Variants in APBB2 observed in about 807,000 individuals in gnomAD.
The protein encoded by APBB2 is Fe65-like 1.
APBB2 carries 38 observed loss-of-function variants against 82.5 expected under a neutral mutation model. The observed-to-expected ratio is 0.46, with a 90% confidence interval of 0.36 to 0.60. The LOEUF (loss-of-function observed/expected upper bound fraction) is 0.60. Ranked by LOEUF, APBB2 falls within the 20% of genes least tolerant of loss-of-function variation. The pLI is 0.00. For missense variants in APBB2, 772 were observed against 972.3 expected (o/e 0.79, Z 2.74); for synonymous variants, 341 against 368.2 (o/e 0.93, Z 0.85).
chr4:40,821,815 A>G lies in APBB2; in HGVS notation c.2112+56T>C, dbSNP rs941562838. The G allele has an allele frequency of 5.7e-6, 9 of 1,589,252 alleles. No homozygotes were observed. The East Asian group carries it at 1.6e-4, about 28-fold the overall frequency. On this transcript the variant is annotated intron_variant, in intron 17 of 17. Coordinates refer to ENST00000508593, the MANE Select transcript of APBB2 (RefSeq NM_004307.2). Reference sequence around the variant, plus strand: ...GAGTGATTCTGCTATAATGTATGGCATATTAGAGATGAGCAGAGGCGGGAG... The same window carrying G: ...GAGTGATTCTGCTATAATGTATGGCGTATTAGAGATGAGCAGAGGCGGGAG...
intron 7 of APBB2, among the ~76,000 whole-genome samples, chr4:40,937,914 G>A (rs1578579963): frequency 2.0e-5 from 3 of 152,312 alleles, no homozygotes; most frequent in Non-Finnish European, 4.4e-5. Flanking sequence ...TTTTAAAAAA[G>A]CACAACCCAA....
Position 40,945,070 on chromosome 4 carries a change from T to A in APBB2, c.839A>T (p.Asp280Val), listed in dbSNP as rs760695103. Residue 280 changes from aspartate (D) to valine (V), a missense_variant, in exon 7 of 18, where the codon GAT (aspartate) becomes GTT (valine). By Grantham distance (152) the Asp-to-Val change is radical. Coordinates refer to ENST00000508593, the MANE Select transcript of APBB2 (RefSeq NM_004307.2). Reference sequence around the variant, plus strand: ...CTGAAATGAGTGATCACTCCATATATCTGCTGAAAAATTGGGGGGCGGGGC... The same window carrying A: ...CTGAAATGAGTGATCACTCCATATAACTGCTGAAAAATTGGGGGGCGGGGC... ...ASPSSPDETA[D>V]IWSDHSFQTD... is the part of the protein sequence containing the mutation. The A allele has an allele frequency of 8.4e-7, 1 of 1,190,296 alleles. No homozygotes were observed. Among genetic ancestry groups the A allele is most frequent in the Non-Finnish European group, 1.2e-6 (1 of 860,844 alleles). 73.7% of individuals were successfully genotyped at this position (1,190,296 alleles called of 1,614,324 possible). A position where few individuals can be genotyped will look rare whatever the true frequency, so the allele number is the denominator to read the frequency against.
chr4:40,835,193 T>C (rs997293031), intron 12 of APBB2, among the ~76,000 whole-genome samples: 1 of 151,566 alleles, frequency 6.6e-6, no homozygotes, highest in African/African-American at 2.4e-5. Flanking sequence ...GGAGAATCGC[T>C]TGAACCCGGG....
chr4:40,845,436 C>T (rs1050159235), intron 12 of APBB2, among the ~76,000 whole-genome samples: 2 of 152,034 alleles, frequency 1.3e-5, no homozygotes, highest in African/African-American at 4.8e-5. Flanking sequence ...ATGAGCCGCA[C>T]ATCCCAAGGC....
chr4:41,037,665 T>C (rs1005159568), intron 4 of APBB2, among the ~76,000 whole-genome samples: 2 of 152,166 alleles, frequency 1.3e-5, no homozygotes. Context: ...AATTACTTAA[T>C]GTGGCTTGCA....
At chr4:41,200,826 C>T (rs7696911) in intron 1 of APBB2, among the ~76,000 whole-genome samples, 1 of 152,006 alleles carries the variant, frequency 6.6e-6, no homozygotes, top group Non-Finnish European at 1.5e-5. Context: ...CCCAGTGTTA[C>T]AATCTAGTAG....
intron 12 of APBB2, among the ~76,000 whole-genome samples, chr4:40,863,415 T>C (rs1763259174): frequency 1.3e-5 from 2 of 152,190 alleles, no homozygotes; most frequent in South Asian, 4.1e-4. Context: ...TCAGTGGGTC[T>C]GCAGGTTCTG....
chr4:41,011,152 T>A (rs868617602), intron 6 of APBB2, among the ~76,000 whole-genome samples: 6,955 of 151,742 alleles, frequency 0.046, 337 homozygotes, highest in African/African-American at 0.12. Context: ...ATTATTGTTT[T>A]TTTTTTTAAT....
In APBB2 at chr4:41,013,679, G is replaced by C. The variant is rs762874100; in HGVS notation, c.739C>G (p.Leu247Val). 5.8e-5 allele frequency: 93 copies of C among 1,614,118 alleles called. No individual in the cohort carries two copies. The highest frequency in any genetic ancestry group is 7.8e-5 in the Non-Finnish European group (92 of 1,180,052). ...PKTGAKTDCA[L>V]HRIQNLAPSD... Reference sequence around the variant, plus strand: ...GGTGCCAGGTTCTGGATCCGGTGCAGTGCACAGTCGGTTTTGGCCCCTGTT... The same window carrying C: ...GGTGCCAGGTTCTGGATCCGGTGCACTGCACAGTCGGTTTTGGCCCCTGTT... Residue 247 changes from leucine to valine, a missense_variant, in exon 6 of 18, where the codon CTG becomes GTG. Physicochemically the swap from Leu to Val is conservative, Grantham distance 32. Transcript: ENST00000508593.
intron 6 of APBB2, among the ~76,000 whole-genome samples, chr4:41,003,913 A>G (rs112932858): frequency 3.3e-5 from 5 of 152,218 alleles, no homozygotes; most frequent in African/African-American, 1.2e-4. Context: ...GGGTTTCACC[A>G]TGTTGGCCAG....
Position 40,815,875 on chromosome 4 carries a change from T to C in APBB2, c.*217A>G, listed in dbSNP as rs1745470221. 1.8e-6 allele frequency: 1 copy of C among 553,174 alleles called. No individual in the cohort carries two copies. The highest frequency in any genetic ancestry group is 1.9e-5 in the African/African-American group (1 of 53,546). 34.3% of individuals were successfully genotyped at this position (553,174 alleles called of 1,614,324 possible). A position where few individuals can be genotyped will look rare whatever the true frequency, so the allele number is the denominator to read the frequency against. On this transcript the variant is annotated 3_prime_UTR_variant, in exon 18 of 18. Coordinates refer to ENST00000508593, the MANE Select transcript of APBB2 (RefSeq NM_004307.2). ...GAAAAAGACCTTCCACTGCGCATGA[T>C]GTAACTTACAGCAAAAAAAATTATT...
intron 2 of APBB2, among the ~76,000 whole-genome samples, chr4:41,123,776 T>G (rs990226123): frequency 4.0e-5 from 6 of 151,784 alleles, no homozygotes; most frequent in African/African-American, 1.5e-4. Flanking sequence ...TGAGCCGAGA[T>G]GGCACCACTG....
At chr4:40,838,134 GGCATTATTATTA>G (rs1754589362) in intron 12 of APBB2, among the ~76,000 whole-genome samples, 1 of 134,494 alleles carries the variant, frequency 7.4e-6, no homozygotes, top group South Asian at 2.4e-4. Context: ...TATTCAAGTG[GGCATTATTATTA>G]TTATTATTAT....
At chr4:40,847,979 T>C (rs1388881986) in intron 12 of APBB2, among the ~76,000 whole-genome samples, 2 of 152,108 alleles carry the variant, frequency 1.3e-5, no homozygotes, top group East Asian at 3.9e-4. Flanking sequence ...GCTAATTTTT[T>C]ATTTGTTGTA....
chr4:40,869,922 T>C (rs1578100424), intron 12 of APBB2, among the ~76,000 whole-genome samples: 1 of 151,836 alleles, frequency 6.6e-6, no homozygotes, highest in East Asian at 2.0e-4. Flanking sequence ...AGTCACCCCA[T>C]TCTGCTTGTG....
chr4:41,141,072 T>C (rs1465544900), intron 2 of APBB2, among the ~76,000 whole-genome samples: 1 of 152,168 alleles, frequency 6.6e-6, no homozygotes, highest in African/African-American at 2.4e-5. Context: ...TCCACAAAAC[T>C]AGTCCCTCAT....
At chr4:40,843,959 C>T (rs1437516343) in intron 12 of APBB2, among the ~76,000 whole-genome samples, 1 of 152,150 alleles carries the variant, frequency 6.6e-6, no homozygotes. Flanking sequence ...TCCTGCAGAG[C>T]CCCCTAATGG....
At chr4:41,092,637 C>T (rs1217594146) in intron 3 of APBB2, among the ~76,000 whole-genome samples, 1 of 148,920 alleles carries the variant, frequency 6.7e-6, no homozygotes, top group Non-Finnish European at 1.5e-5. Context: ...TGTGGTGAGC[C>T]GAGATTGCAC....
rs544713246 is a variant in APBB2 at position 41,064,128 on chromosome 4, G to A, written c.-51+1448C>T. 4.6e-5 allele frequency among the ~76,000 whole-genome samples: 7 copies of A among 151,864 alleles called. No individual in the cohort carries two copies. In the South Asian group the frequency reaches 8.3e-4, roughly 18 times the overall value. ...CGAGTAGCTGGGACTACAGGCACCC[G>A]CCCCCACACCTGGCTAATTTTTTGT... On this transcript the variant is annotated intron_variant, in intron 4 of 17. Coordinates refer to ENST00000508593, the MANE Select transcript of APBB2 (RefSeq NM_004307.2).
Sources: allele counts gnomAD v4.1 joint callset (sites outside exome capture counted in the v4.1 genomes callset), GRCh38; gene constraint gnomAD v4.1.1; transcripts MANE v1.5; gene names NCBI Gene and HGNC (gene_info 2026-07-23, HGNC 2026-07-21).